GRIA3: variants seen among roughly 807,000 people sequenced by gnomAD.
The protein encoded by GRIA3 is glutamate receptor 3.
GRIA3 carries 3 observed loss-of-function variants against 63.0 expected under a neutral mutation model. The ratio of observed to expected loss-of-function variants is 0.05; its 90% CI spans 0.02 to 0.12. The LOEUF is 0.12. Among genes scored for constraint, GRIA3 ranks in the 10% least tolerant of loss-of-function variants. The pLI, the probability that GRIA3 is intolerant of heterozygous loss-of-function variation, is 1.00. For synonymous variants in GRIA3, 274 were observed against 257.9 expected, an observed-to-expected ratio of 1.06 and a Z score of -0.60; for missense variants, 347 against 700.9, an observed-to-expected ratio of 0.50 and a Z score of 5.70.
chrX:123,417,066 C>T (rs1001661113), intron 10 of GRIA3, among the ~76,000 whole-genome samples: 4 of 111,612 alleles, frequency 3.6e-5, no homozygotes, highest in Middle Eastern at 4.6e-3. Flanking sequence ...AATAAGAAAA[C>T]GAGAGTTAAA....
chrX:123,450,773 G>A (rs73541986), intron 12 of GRIA3, among the ~76,000 whole-genome samples: 2,170 of 112,283 alleles, frequency 0.019, 46 homozygotes, highest in African/African-American at 0.065. Context: ...CAAAAAGCTG[G>A]TGAAGAGACA....
At chrX:123,229,849 G>T (rs759849979) in intron 2 of GRIA3, among the ~76,000 whole-genome samples, 1 of 111,420 alleles carries the variant, frequency 9.0e-6, no homozygotes, top group South Asian at 3.8e-4. Context: ...GATAACATAT[G>T]TAGAGGCCTA....
intron 2 of GRIA3, among the ~76,000 whole-genome samples, chrX:123,233,759 G>A (rs1484871665): frequency 9.0e-6 from 1 of 111,684 alleles, no homozygotes; most frequent in Non-Finnish European, 1.9e-5. Context: ...TTATGCTTAA[G>A]ATCTAGAAAT....
intron 12 of GRIA3, among the ~76,000 whole-genome samples, chrX:123,434,932 A>T (rs2045636764): frequency 8.9e-6 from 1 of 112,452 alleles, no homozygotes; most frequent in Admixed American, 9.4e-5. Flanking sequence ...AATATGCCTG[A>T]TATTCCATTA....
intron 12 of GRIA3, among the ~76,000 whole-genome samples, chrX:123,459,827 A>C (rs186610821): frequency 4.0e-4 from 45 of 111,234 alleles, no homozygotes; most frequent in Middle Eastern, 4.7e-3. Flanking sequence ...TGCAAAAAAA[A>C]AAAGGAAAGA....
At position 123,403,030 on chromosome X, in the gene GRIA3, G is replaced by T; in HGVS notation, c.1117G>T (p.Asp373Tyr). Residue 373 changes from aspartate to tyrosine, a missense_variant, in exon 8 of 16, where the codon GAC (aspartate) becomes TAC (tyrosine). By Grantham distance (160) the Asp-to-Tyr change is radical. Transcript: ENST00000620443. ...AGGAATGACTGGAAATATTCAATTT[G>T]ACACTTATGGACGTAGGACAAATTA... ...VQGMTGNIQF[D>Y]TYGRRTNYTI... 1 of 1,171,258 alleles carries T rather than the reference G, an allele frequency of 8.5e-7. No individual in the cohort carries two copies. Among genetic ancestry groups the T allele is most frequent in the South Asian group, 1.8e-5 (1 of 55,996 alleles).
intron 5 of GRIA3, among the ~76,000 whole-genome samples, chrX:123,377,059 C>T (rs1396110779): frequency 9.2e-6 from 1 of 108,571 alleles, no homozygotes; most frequent in Non-Finnish European, 1.9e-5. Context: ...CTCAGCCTCC[C>T]GAGCAGCTGG....
intron 3 of GRIA3, among the ~76,000 whole-genome samples, chrX:123,295,731 G>A (rs1039472295): frequency 3.6e-5 from 4 of 111,091 alleles, no homozygotes; most frequent in African/African-American, 1.3e-4. Flanking sequence ...AGATTGATCA[G>A]AAACATCTAT....
chrX:123,260,161 G>A (rs1307187238), intron 3 of GRIA3, among the ~76,000 whole-genome samples: 1 of 107,088 alleles, frequency 9.3e-6, no homozygotes, highest in East Asian at 3.0e-4. Context: ...GTTGTGCTGA[G>A]GCCCTGATTC....
rs1186167678 is a variant in GRIA3 at position 123,404,705 on chromosome X, A to C, written c.1294-3A>C. On this transcript the variant is annotated splice_polypyrimidine_tract_variant and splice_region_variant and intron_variant, in intron 9 of 15. Coordinates refer to ENST00000620443, the MANE Select transcript of GRIA3 (RefSeq NM_007325.5). ...TCCTTTTATCTTGCTTCTGGTCCCA[A>C]AGGAATCACCATATGTAATGTACAA... is the stretch of plus-strand genomic sequence containing the variant. The C allele has an allele frequency of 8.5e-7, 1 of 1,179,302 alleles. No homozygotes were observed.
At chrX:123,184,715 C>A in intron 1 of GRIA3, 71 bp downstream of exon 1, 1 of 767,204 alleles carries the variant, frequency 1.3e-6, no homozygotes, top group Non-Finnish European at 2.0e-6. Flanking sequence ...GCAAGGCTTT[C>A]CCTGCGGTGG....
rs745735950 is a variant in GRIA3, at chrX:123,417,672, C to T, written c.1771C>T (p.Arg591Cys). The T allele has an allele frequency of 1.7e-6, 2 of 1,178,711 alleles. No individual in the cohort carries two copies. Among genetic ancestry groups the T allele is most frequent in the East Asian group, 3.0e-5 (1 of 33,497 alleles). The change falls in exon 11 of 16, where the codon CGT becomes TGT. Residue 591 changes from arginine (R) to cysteine (C), a missense_variant. Physicochemically the swap from Arg to Cys is radical, Grantham distance 180. This residue lies in a region of GRIA3 where 19 missense variants were observed against 30.9 expected (regional missense o/e 0.61). Coordinates refer to ENST00000620443, the MANE Select transcript of GRIA3 (RefSeq NM_007325.5). ...WHLEDNNEEP[R>C]DPQSPPDPPN... ...CTTGGAAGACAACAATGAAGAACCTCGTGACCCACAAAGTCCTCCTGATCC... is the reference window on the plus strand; with the variant it reads ...CTTGGAAGACAACAATGAAGAACCTTGTGACCCACAAAGTCCTCCTGATCC...
At chrX:123,439,576 T>G (rs921099241) in intron 12 of GRIA3, among the ~76,000 whole-genome samples, 23 of 110,095 alleles carry the variant, frequency 2.1e-4, no homozygotes, top group African/African-American at 7.6e-4. Context: ...GAGAAATATT[T>G]TATTTTGTTT....
At chrX:123,371,650 T>C (rs1162837685) in intron 5 of GRIA3, among the ~76,000 whole-genome samples, 1 of 111,875 alleles carries the variant, frequency 8.9e-6, no homozygotes, top group Non-Finnish European at 1.9e-5. Context: ...GTTGATCACC[T>C]TTTCATATGC....
chrX:123,486,552 C>T (rs183259973), intron 15 of GRIA3, among the ~76,000 whole-genome samples: 11 of 112,195 alleles, frequency 9.8e-5, no homozygotes, highest in East Asian at 8.4e-4. Flanking sequence ...CCTCATACGA[C>T]GCCAGGAAAA....
At chrX:123,461,282 C>T (rs2045791199) in intron 12 of GRIA3, among the ~76,000 whole-genome samples, 1 of 111,897 alleles carries the variant, frequency 8.9e-6, no homozygotes, top group African/African-American at 3.3e-5. Flanking sequence ...TCAAGAAACA[C>T]TCAAGTAACA....
intron 10 of GRIA3, among the ~76,000 whole-genome samples, chrX:123,407,940 G>A (rs1391658840): frequency 3.6e-5 from 4 of 110,629 alleles, no homozygotes; most frequent in Admixed American, 9.6e-5. Context: ...AATTTAAGGC[G>A]TAAGTGTCTT....
intron 5 of GRIA3, among the ~76,000 whole-genome samples, chrX:123,381,270 C>T (rs2045322662): frequency 9.0e-6 from 1 of 111,645 alleles, no homozygotes; most frequent in African/African-American, 3.3e-5. Context: ...CAATGACATT[C>T]TGTACTAGGA....
intron 5 of GRIA3, among the ~76,000 whole-genome samples, chrX:123,379,627 T>G (rs924760690): frequency 9.4e-6 from 1 of 106,696 alleles, no homozygotes; most frequent in African/African-American, 3.4e-5. Flanking sequence ...CTTGTTTTTT[T>G]TTTTTTTTTT....
Sources: allele counts gnomAD v4.1 joint callset (sites outside exome capture counted in the v4.1 genomes callset), GRCh38; gene constraint gnomAD v4.1.1; regional missense constraint gnomAD v4.1.1; transcripts MANE v1.5; gene names NCBI Gene and HGNC (gene_info 2026-07-23, HGNC 2026-07-21).